The following CDH12 variants were observed in gnomAD, a reference collection of about 807,000 sequenced individuals.
CDH12 encodes the protein cadherin 12, also known as cadherin-12.
In CDH12, 41 loss-of-function variants were observed where a neutral mutation model predicts 74.1. The ratio of observed to expected loss-of-function variants is 0.55; its 90% CI spans 0.43 to 0.72. CDH12 has a LOEUF of 0.72. CDH12 is among the 30% of genes least tolerant of loss of function. The probability of loss-of-function intolerance (pLI) is 0.00; values close to 1 mark genes in which losing one functional copy is unlikely to be tolerated. For missense variants in CDH12, 945 were observed against 977.2 expected (o/e 0.97, Z 0.44); for synonymous variants, 399 against 355.0 (o/e 1.12, Z -1.39).
At chr5:21,929,612 A>G (rs1754745158) in intron 6 of CDH12, among the ~76,000 whole-genome samples, 4 of 152,052 alleles carry the variant, frequency 2.6e-5, no homozygotes. Context: ...AACCTCCCCA[A>G]CCTCAGGTGA....
intron 1 of CDH12, among the ~76,000 whole-genome samples, chr5:22,670,307 C>T (rs537272542): frequency 1.3e-5 from 2 of 152,118 alleles, no homozygotes; most frequent in African/African-American, 4.8e-5. Context: ...GTGTGATCCA[C>T]CATGCCCAGA....
At chr5:22,486,554 C>T (rs1460395191) in intron 2 of CDH12, among the ~76,000 whole-genome samples, 4 of 150,652 alleles carry the variant, frequency 2.7e-5, no homozygotes, top group Admixed American at 1.3e-4. Context: ...CAGGTTCAAG[C>T]GATTCTCCTG....
chr5:22,710,580 A>G (rs1561594268), intron 1 of CDH12, among the ~76,000 whole-genome samples: 1 of 152,262 alleles, frequency 6.6e-6, no homozygotes, highest in East Asian at 1.9e-4. Flanking sequence ...TGCTTAATCT[A>G]TAGAGTATGA....
chr5:22,159,909 CTGTGTGCG>C, intron 4 of CDH12, among the ~76,000 whole-genome samples: 1 of 152,180 alleles, frequency 6.6e-6, no homozygotes, highest in East Asian at 1.9e-4. Context: ...CAAAATGTGT[CTGTGTGCG>C]TGTGTGCGTG....
intron 8 of CDH12, among the ~76,000 whole-genome samples, chr5:21,817,941 C>G (rs556886596): frequency 6.6e-6 from 1 of 151,952 alleles, no homozygotes; most frequent in Non-Finnish European, 1.5e-5. Context: ...AATTGTAATA[C>G]TCTACAAAAA....
chr5:22,730,611 A>G (rs968401740), intron 1 of CDH12, among the ~76,000 whole-genome samples: 1 of 151,834 alleles, frequency 6.6e-6, no homozygotes, highest in African/African-American at 2.4e-5. Context: ...AACTCAGAAA[A>G]CAGCACAAAA....
Position 22,246,688 on chromosome 5 carries a change from A to G in CDH12, c.-332-34045T>C, listed in dbSNP as rs568401055. On this transcript the variant is annotated intron_variant, in intron 3 of 14. Transcript: ENST00000382254. ...AATTCCTTAGCAAGTGATTCTCAACAGGGCTTCACAAAATGTAAGACTTTT... is the reference window on the plus strand; with the variant it reads ...AATTCCTTAGCAAGTGATTCTCAACGGGGCTTCACAAAATGTAAGACTTTT... Among the ~76,000 whole-genome samples the G allele has an allele frequency of 8.0e-4, 122 of 152,316 alleles. 2 individuals are homozygous for G. The highest frequency in any genetic ancestry group is 2.7e-3 in the African/African-American group (114 of 41,596).
In CDH12 at chr5:22,708,353, G is replaced by T. The variant is rs1031639234; in HGVS notation, c.-523+144705C>A. ...AAGAGACACAAACTCTCCCAAACCG[G>T]CATAAATATAAAATAACAATTCTTC... is the stretch of plus-strand genomic sequence containing the variant. On this transcript the variant is annotated intron_variant, in intron 1 of 14. Coordinates refer to ENST00000382254, the MANE Select transcript of CDH12 (RefSeq NM_004061.5). Among the ~76,000 whole-genome samples the T allele has an allele frequency of 2.6e-5, 4 of 152,232 alleles. No individual in the cohort carries two copies. The East Asian group carries it at 7.7e-4, about 29-fold the overall frequency.
chr5:22,105,430 G>T (rs1438154011), intron 4 of CDH12, among the ~76,000 whole-genome samples: 1 of 148,756 alleles, frequency 6.7e-6, no homozygotes, highest in African/African-American at 2.5e-5. Flanking sequence ...GGGCCTGGTG[G>T]CTCAAGCCTG....
intron 7 of CDH12, among the ~76,000 whole-genome samples, chr5:21,847,640 C>CATATAATAAGAATATAATAAGAATA (rs1295209690): frequency 6.6e-6 from 1 of 152,018 alleles, no homozygotes; most frequent in African/African-American, 2.4e-5. Context: ...ACGGAGTCTA[C>CATATAATAAGAATATAATAAGAATA]CCATATAATA....
chr5:22,127,431 C>T (rs1249467171), intron 4 of CDH12, among the ~76,000 whole-genome samples: 9 of 149,720 alleles, frequency 6.0e-5, no homozygotes, highest in South Asian at 4.2e-4. Context: ...GTGCCAAGAC[C>T]GCATCATTGC....
At chr5:22,764,094 A>G (rs1200253637) in intron 1 of CDH12, among the ~76,000 whole-genome samples, 6 of 151,878 alleles carry the variant, frequency 4.0e-5, no homozygotes, top group African/African-American at 1.4e-4. Context: ...TTTGTTTTTA[A>G]AATAATTTTA....
At chr5:21,839,714 TA>T (rs914291635) in intron 8 of CDH12, among the ~76,000 whole-genome samples, 3 of 152,188 alleles carry the variant, frequency 2.0e-5, no homozygotes, top group African/African-American at 7.2e-5. Context: ...GATGAACTCG[TA>T]AACTCTCCTG....
At chr5:22,607,662 T>C (rs1737186548) in intron 1 of CDH12, among the ~76,000 whole-genome samples, 1 of 152,134 alleles carries the variant, frequency 6.6e-6, no homozygotes, top group Non-Finnish European at 1.5e-5. Flanking sequence ...CAGCTAACCA[T>C]ATCACAGGCC....
chr5:22,666,491 C>A (rs1740630938), intron 1 of CDH12, among the ~76,000 whole-genome samples: 1 of 151,794 alleles, frequency 6.6e-6, no homozygotes, highest in Non-Finnish European at 1.5e-5. Context: ...GGGGTTTCAC[C>A]GTGTTAGCCA....
At chr5:22,743,194 G>T (rs1286763225) in intron 1 of CDH12, among the ~76,000 whole-genome samples, 1 of 150,572 alleles carries the variant, frequency 6.6e-6, no homozygotes, top group Non-Finnish European at 1.5e-5. Context: ...CTGGTCTCCA[G>T]CTCTCCAGCT....
At chr5:22,262,314 T>C (rs1289225787) in intron 3 of CDH12, among the ~76,000 whole-genome samples, 1 of 134,270 alleles carries the variant, frequency 7.4e-6, no homozygotes, top group Non-Finnish European at 1.5e-5. Flanking sequence ...TTCCCCTTCC[T>C]GTGTCCATGT....
At chr5:22,194,308 C>CTTTTTTTTTTTTTTTTTTTTTTTTT in intron 4 of CDH12, among the ~76,000 whole-genome samples, 1 of 139,862 alleles carries the variant, frequency 7.1e-6, no homozygotes, top group Non-Finnish European at 1.5e-5. Context: ...CTTTTTCTTT[C>CTTTTTTTTTTTTTTTTTTTTTTTTT]TTTTTTTTTT....
At chr5:21,950,067 T>C (rs1036874640) in intron 6 of CDH12, among the ~76,000 whole-genome samples, 1 of 152,192 alleles carries the variant, frequency 6.6e-6, no homozygotes, top group African/African-American at 2.4e-5. Flanking sequence ...ATTTTTGATT[T>C]TTGACTGGAT....
Sources: gnomAD v4.1 joint callset for allele counts (sites outside exome capture counted in the v4.1 genomes callset) on GRCh38, gnomAD v4.1.1 for gene constraint, MANE v1.5 for transcripts, NCBI Gene and HGNC (gene_info 2026-07-23, HGNC 2026-07-21) for gene names.